Variants in CHRM3 observed in about 807,000 individuals in gnomAD.
CHRM3 encodes cholinergic receptor muscarinic 3, also known as muscarinic acetylcholine receptor M3.
In CHRM3, 11 loss-of-function variants were observed where a neutral mutation model predicts 41.8. The ratio of observed to expected loss-of-function variants is 0.26; its 90% CI spans 0.17 to 0.44. The LOEUF (loss-of-function observed/expected upper bound fraction) is 0.44, where lower values mean the gene tolerates loss of function less well. CHRM3 is among the 20% of genes least tolerant of loss of function. CHRM3 has a pLI of 1.00. For missense variants in CHRM3, 571 were observed against 745.4 expected, an observed-to-expected ratio of 0.77 and a Z score of 2.72; for synonymous variants, 297 against 301.4, an observed-to-expected ratio of 0.99 and a Z score of 0.15.
Position 239,721,754 on chromosome 1 carries a change from T to C in CHRM3, c.-147+43466T>C, listed in dbSNP as rs143545908. The stretch of plus-strand genomic sequence containing the variant: ...GTATGAGAAGTACAAAAGAAGTCTT[T>C]ACTATATAATCTGATTCAGATTATA... On this transcript the variant is annotated intron_variant, in intron 5 of 6. Coordinates refer to ENST00000676153, the MANE Select transcript of CHRM3 (RefSeq NM_001375978.1). Among the ~76,000 whole-genome samples, 449 of 152,030 alleles carry C rather than the reference T, an allele frequency of 3.0e-3. 4 individuals are homozygous for C. The highest frequency in any genetic ancestry group is 0.01 in the African/African-American group (417 of 41,522).
In CHRM3 at chr1:239,786,737, G is replaced by A. The variant is rs566536568; in HGVS notation, c.-146-40515G>A. Among the ~76,000 whole-genome samples the A allele has an allele frequency of 3.1e-3, 464 of 152,090 alleles. 2 individuals carry two copies. Among genetic ancestry groups the A allele is most frequent in the Non-Finnish European group, 4.1e-3 (282 of 67,990 alleles). Reference sequence around the variant, plus strand: ...TCCACAGCGAGGCATGCTGCTGAAGGTGTCATATGCACAGCAAATGAGATG... The same window carrying A: ...TCCACAGCGAGGCATGCTGCTGAAGATGTCATATGCACAGCAAATGAGATG... On this transcript the variant is annotated intron_variant, in intron 5 of 6. Transcript: ENST00000676153.
At chr1:239,627,480 T>C (rs943238744) in intron 3 of CHRM3, among the ~76,000 whole-genome samples, 1 of 109,718 alleles carries the variant, frequency 9.1e-6, no homozygotes, top group African/African-American at 3.7e-5. Context: ...TGTCTTTTAA[T>C]TGCAGAATTT....
chr1:239,683,902 A>G (rs1229669375), intron 5 of CHRM3, among the ~76,000 whole-genome samples: 1 of 152,170 alleles, frequency 6.6e-6, no homozygotes, highest in East Asian at 1.9e-4. Flanking sequence ...AAAAAAAAAG[A>G]TGGTCCAAAG....
At chr1:239,641,297 T>G (rs1318467871) in intron 4 of CHRM3, among the ~76,000 whole-genome samples, 1 of 151,764 alleles carries the variant, frequency 6.6e-6, no homozygotes, top group Admixed American at 6.6e-5. Flanking sequence ...GGTGCAGAGC[T>G]GAGTTCAATT....
At chr1:239,691,363 A>G (rs927026665) in intron 5 of CHRM3, among the ~76,000 whole-genome samples, 20 of 152,148 alleles carry the variant, frequency 1.3e-4, no homozygotes, top group Admixed American at 7.9e-4. Context: ...TGTTTGCTCA[A>G]AGAATTTTAC....
intron 6 of CHRM3, among the ~76,000 whole-genome samples, chr1:239,874,305 ATAT>A (rs1385737324): frequency 8.4e-6 from 1 of 119,330 alleles, no homozygotes; most frequent in African/African-American, 3.6e-5. Context: ...ATATATATAT[ATAT>A]ATATATATAT....
At chr1:239,389,161 T>A (rs2102902322) in intron 1 of CHRM3, among the ~76,000 whole-genome samples, 1 of 152,310 alleles carries the variant, frequency 6.6e-6, no homozygotes, top group East Asian at 1.9e-4. Context: ...CTTTATAAAT[T>A]TTCTGTGTGG....
At chr1:239,765,320 C>T (rs1000118648) in intron 5 of CHRM3, among the ~76,000 whole-genome samples, 7 of 152,180 alleles carry the variant, frequency 4.6e-5, no homozygotes, top group African/African-American at 1.7e-4. Flanking sequence ...CGCTGGGGTC[C>T]TTGGCCATTG....
At chr1:239,606,476 A>G (rs1156299349) in intron 3 of CHRM3, among the ~76,000 whole-genome samples, 1 of 152,122 alleles carries the variant, frequency 6.6e-6, no homozygotes, top group Admixed American at 6.5e-5. Context: ...AGGTTTCACT[A>G]TGTTGGCCAG....
In CHRM3 at chr1:239,907,640, T is replaced by C. The variant is rs759621954; in HGVS notation, c.189T>C (p.His63=). The C allele has an allele frequency of 1.9e-6, 3 of 1,614,194 alleles. No homozygotes were observed. Among genetic ancestry groups the C allele is most frequent in the East Asian group, 2.2e-5 (1 of 44,874 alleles). The change falls in exon 7 of 7, where the codon CAT becomes CAC. Residue 63 remains histidine (H), a synonymous_variant. Transcript: ENST00000676153. This position sits in a 1 kb window ranked among gnomAD's most constrained non-coding sequence, Gnocchi z 5.4. ...DGTTDDPLGG[H]TVWQVVFIAF... ...CCACCGATGACCCTCTGGGAGGTCA[T>C]ACCGTCTGGCAAGTGGTCTTCATCG... is the stretch of plus-strand genomic sequence containing the variant.
intron 2 of CHRM3, among the ~76,000 whole-genome samples, chr1:239,518,189 G>A (rs1000385444): frequency 2.6e-5 from 4 of 152,206 alleles, no homozygotes; most frequent in Non-Finnish European, 5.9e-5. Flanking sequence ...CACGAGGAAA[G>A]ACTAAGTTAC....
chr1:239,875,563 C>G (rs554055664), intron 6 of CHRM3, among the ~76,000 whole-genome samples: 1 of 152,300 alleles, frequency 6.6e-6, no homozygotes, highest in East Asian at 1.9e-4. Flanking sequence ...AAGGCATAGC[C>G]AGATTTGCTC....
At chr1:239,417,579 G>GTTTTTTT (rs34926014) in intron 1 of CHRM3, among the ~76,000 whole-genome samples, 2 of 122,664 alleles carry the variant, frequency 1.6e-5, no homozygotes, top group Non-Finnish European at 3.3e-5. Context: ...AGATTAATTT[G>GTTTTTTT]TTTTTTTTTT....
chr1:239,639,422 T>G (rs1169701656), intron 4 of CHRM3, among the ~76,000 whole-genome samples: 1 of 152,260 alleles, frequency 6.6e-6, no homozygotes, highest in Non-Finnish European at 1.5e-5. Flanking sequence ...CATTTCTTTG[T>G]ATCCTCTTTT....
chr1:239,691,821 AC>A (rs1476279186), intron 5 of CHRM3, among the ~76,000 whole-genome samples: 1 of 152,112 alleles, frequency 6.6e-6, no homozygotes, highest in Non-Finnish European at 1.5e-5. Context: ...TCTGCTTTAG[AC>A]TCAAGGCTTA....
intron 5 of CHRM3, among the ~76,000 whole-genome samples, chr1:239,712,633 T>A (rs1661922493): frequency 6.6e-6 from 1 of 152,202 alleles, no homozygotes; most frequent in South Asian, 2.1e-4. Context: ...CTCGAATACT[T>A]GCATTGCAAT....
chr1:239,572,423 A>T (rs1233791783), intron 3 of CHRM3, among the ~76,000 whole-genome samples: 2 of 152,260 alleles, frequency 1.3e-5, no homozygotes, highest in East Asian at 3.9e-4. Flanking sequence ...ATGTTAGTAA[A>T]TTTTTTGTTA....
At chr1:239,734,689 A>T (rs549243283) in intron 5 of CHRM3, among the ~76,000 whole-genome samples, 1 of 152,178 alleles carries the variant, frequency 6.6e-6, no homozygotes, top group African/African-American at 2.4e-5. Flanking sequence ...AATTTTTCTT[A>T]TTTTTTAAGT....
At chr1:239,397,347 C>T (rs1170466649) in intron 1 of CHRM3, among the ~76,000 whole-genome samples, 3 of 151,932 alleles carry the variant, frequency 2.0e-5, no homozygotes, top group Admixed American at 1.3e-4. Context: ...CTTTTTGTTC[C>T]ATTAATGAAT....
Sources: allele counts gnomAD v4.1 joint callset (sites outside exome capture counted in the v4.1 genomes callset), GRCh38; gene constraint gnomAD v4.1.1; non-coding constraint Gnocchi (gnomAD v3.1); transcripts MANE v1.5; gene names NCBI Gene and HGNC (gene_info 2026-07-23, HGNC 2026-07-21).